The following ADRA1B variants were observed in gnomAD, a reference collection of about 807,000 sequenced individuals.
ADRA1B encodes adrenoceptor alpha 1B, also known as alpha-1B adrenergic receptor.
ADRA1B carries 17 observed loss-of-function variants against 17.9 expected under a neutral mutation model. The observed-to-expected ratio is 0.95, with a 90% CI of 0.65 to 1.42. The LOEUF (loss-of-function observed/expected upper bound fraction) is 1.42. Ranked by LOEUF, ADRA1B falls within the 40% of genes most tolerant of loss-of-function variation. The pLI is 0.00. For synonymous variants in ADRA1B, 366 were observed against 327.6 expected (o/e 1.12, Z -1.27); for missense variants, 681 against 722.1 (o/e 0.94, Z 0.65).
At position 159,963,591 on chromosome 5, in the gene ADRA1B, A is replaced by G. The variant is rs148891906; in HGVS notation, c.950-8288A>G. On this transcript the variant is annotated intron_variant, in intron 1 of 1. Coordinates refer to ENST00000306675, the MANE Select transcript of ADRA1B (RefSeq NM_000679.4). ...CACAGTCATGATGGACTGCCTTGGG[A>G]ACAGTGGCTGTTGAAGGAGTAACTG... Among the ~76,000 whole-genome samples the G allele has an allele frequency of 2.1e-3, 323 of 152,290 alleles. 3 individuals are homozygous for G. Among genetic ancestry groups the G allele is most frequent in the African/African-American group, 6.2e-3 (259 of 41,556 alleles).
In ADRA1B at chr5:159,917,746, G is replaced by A. The variant is rs754360695; in HGVS notation, c.841G>A (p.Val281Ile). 3.1e-5 allele frequency: 50 copies of A among 1,614,160 alleles called. No individual in the cohort carries two copies. The highest frequency in any genetic ancestry group is 2.7e-4 in the South Asian group (25 of 91,080). The change falls in exon 1 of 2, where the codon GTC (valine) becomes ATC (isoleucine). Residue 281 changes from valine to isoleucine, a missense_variant. By Grantham distance (29) the Val-to-Ile change is conservative. Coordinates refer to ENST00000306675, the MANE Select transcript of ADRA1B (RefSeq NM_000679.4). ...KGHNPRSSIA[V>I]KLFKFSREKK... ...CCACAACCCCAGGAGTTCCATAGCT[G>A]TCAAACTTTTTAAGTTCTCCAGGGA...
At chr5:159,889,564 A>G (rs1753960546) in intron 1 of ADRA1B, among the ~76,000 whole-genome samples, 1 of 152,162 alleles carries the variant, frequency 6.6e-6, no homozygotes, top group Non-Finnish European at 1.5e-5. Flanking sequence ...TAGTGAGATG[A>G]AGAAGTAGAG....
upstream of ADRA1B, among the ~76,000 whole-genome samples, chr5:159,912,605 T>C (rs1324714524): frequency 6.6e-6 from 1 of 152,244 alleles, no homozygotes; most frequent in Admixed American, 6.5e-5. Context: ...TTTTCTTTTT[T>C]TAATCTCAGT....
intron 1 of ADRA1B, among the ~76,000 whole-genome samples, chr5:159,878,195 A>G (rs193270862): frequency 3.9e-5 from 6 of 152,306 alleles, no homozygotes; most frequent in Admixed American, 3.3e-4. Context: ...TCGGGTCCAG[A>G]GATGAGCAGC....
chr5:159,977,119 A>T (rs1365090922), downstream of ADRA1B, among the ~76,000 whole-genome samples: 1 of 152,218 alleles, frequency 6.6e-6, no homozygotes, highest in Non-Finnish European at 1.5e-5. Flanking sequence ...TAAGAATGTA[A>T]TAAAAGCTAA....
intron 1 of ADRA1B, among the ~76,000 whole-genome samples, chr5:159,881,865 C>T (rs1402425856): frequency 6.6e-6 from 1 of 152,140 alleles, no homozygotes; most frequent in Non-Finnish European, 1.5e-5. Context: ...ACTTCTTGCA[C>T]CTCTGAAATT....
intron 1 of ADRA1B, among the ~76,000 whole-genome samples, chr5:159,866,253 C>T (rs1316422277): frequency 2.2e-5 from 3 of 137,540 alleles, no homozygotes; most frequent in Admixed American, 1.6e-4. Context: ...CTGCAGTGAG[C>T]AATGATCATG....
chr5:159,869,469 T>A (rs969094706), intron 1 of ADRA1B: 1 of 152,240 alleles, frequency 6.6e-6, no homozygotes, highest in Non-Finnish European at 1.5e-5. Flanking sequence ...GTAATGAAGA[T>A]CATCCTAGTT....
chr5:159,959,462 C>T (rs2113278094), intron 1 of ADRA1B, among the ~76,000 whole-genome samples: 1 of 152,284 alleles, frequency 6.6e-6, no homozygotes. Flanking sequence ...ATAAGATTGA[C>T]CCTAGCCTTA....
chr5:159,914,048 T>C (rs989808190), upstream of ADRA1B, among the ~76,000 whole-genome samples: 2 of 152,152 alleles, frequency 1.3e-5, no homozygotes, highest in East Asian at 3.8e-4. Flanking sequence ...GAGTTCATGA[T>C]ACCTCACTCT....
chr5:159,908,892 A>G (rs749282508), intron 1 of ADRA1B, among the ~76,000 whole-genome samples: 5 of 151,878 alleles, frequency 3.3e-5, no homozygotes, highest in Non-Finnish European at 7.4e-5. Context: ...GGCACTTGCA[A>G]TTCACACCTC....
At chr5:159,873,406 A>C (rs1199961477) in intron 1 of ADRA1B, among the ~76,000 whole-genome samples, 1 of 152,182 alleles carries the variant, frequency 6.6e-6, no homozygotes, top group Non-Finnish European at 1.5e-5. Flanking sequence ...TGTCAGCATG[A>C]GCTTGGCAGC....
At chr5:159,867,774 C>T (rs757286627) in intron 1 of ADRA1B, 2 of 152,194 alleles carry the variant, frequency 1.3e-5, no homozygotes, top group Non-Finnish European at 2.9e-5. Flanking sequence ...GTCAGAGAGT[C>T]CCTGTCATAA....
chr5:159,919,507 G>C (rs561990025), intron 1 of ADRA1B, among the ~76,000 whole-genome samples: 2 of 152,356 alleles, frequency 1.3e-5, no homozygotes, highest in East Asian at 1.9e-4. Flanking sequence ...TTGCTCCATG[G>C]AGTTTGCATT....
At chr5:159,975,649 T>C (rs1313287920), downstream of ADRA1B, among the ~76,000 whole-genome samples, 2 of 152,194 alleles carry the variant, frequency 1.3e-5, no homozygotes, top group Admixed American at 1.3e-4. Context: ...GCCTCCTGTT[T>C]CTTTCCAGAA....
chr5:159,918,129 G>A (rs1404029163), intron 1 of ADRA1B, among the ~76,000 whole-genome samples: 1 of 152,130 alleles, frequency 6.6e-6, no homozygotes, highest in African/African-American at 2.4e-5. Flanking sequence ...CAACAGCCTC[G>A]GTTTAATAAT....
rs1205885643 is a variant in ADRA1B, at chr5:159,917,027, A to T, written c.122A>T (p.Asp41Val). 6.2e-7 allele frequency: 1 copy of T among 1,614,136 alleles called. No individual in the cohort carries two copies. Among genetic ancestry groups the T allele is most frequent in the Admixed American group, 1.7e-5 (1 of 60,014 alleles). ...TSSNSTLPQL[D>V]ITRAISVGLV... ...AGCAACTCCACACTGCCCCAGCTGGACATCACCAGGGCCATCTCTGTGGGC... is the reference window on the plus strand; with the variant it reads ...AGCAACTCCACACTGCCCCAGCTGGTCATCACCAGGGCCATCTCTGTGGGC... Residue 41 changes from aspartate to valine, a missense_variant, in exon 1 of 2, where the codon GAC becomes GTC. Asp to Val is a radical substitution (Grantham distance 152). Transcript: ENST00000306675.
At chr5:159,914,068 C>T (rs80184476), upstream of ADRA1B, among the ~76,000 whole-genome samples, 4,018 of 152,228 alleles carry the variant, frequency 0.026, 81 homozygotes, top group Middle Eastern at 0.037. Context: ...TCACCCCTAC[C>T]CTGGAAGATG....
In ADRA1B at chr5:159,943,368, A is replaced by G. The variant is rs150741574; in HGVS notation, c.949+25514A>G. On this transcript the variant is annotated intron_variant, in intron 1 of 1. Transcript: ENST00000306675. ...TTCTGTTTGTAAATCGAGCTCTCAT[A>G]TTCTCCCAGAGAAACAAACTTACCT... 2.4e-3 allele frequency among the ~76,000 whole-genome samples: 365 copies of G among 152,310 alleles called. 4 individuals carry two copies. The highest frequency in any genetic ancestry group is 8.6e-3 in the African/African-American group (356 of 41,558).
Sources: gnomAD v4.1 joint callset for allele counts (sites outside exome capture counted in the v4.1 genomes callset) on GRCh38, gnomAD v4.1.1 for gene constraint, MANE v1.5 for transcripts, NCBI Gene and HGNC (gene_info 2026-07-23, HGNC 2026-07-21) for gene names.